PRKCA: variants seen among roughly 807,000 people sequenced by gnomAD.
PRKCA encodes the protein protein kinase C alpha.
PRKCA carries 27 observed loss-of-function variants against 87.0 expected under a neutral mutation model. The observed-to-expected ratio is 0.31, with a 90% CI of 0.23 to 0.43. The LOEUF is 0.43. Among genes scored for constraint, PRKCA ranks in the 20% least tolerant of loss-of-function variants. The pLI, the probability that PRKCA is intolerant of heterozygous loss-of-function variation, is 1.00. For synonymous variants in PRKCA, 329 were observed against 311.1 expected (o/e 1.06, Z -0.61); for missense variants, 518 against 852.3 (o/e 0.61, Z 4.88).
intron 2 of PRKCA, among the ~76,000 whole-genome samples, chr17:66,464,834 G>A (rs1915013305): frequency 6.6e-6 from 1 of 152,116 alleles, no homozygotes; most frequent in African/African-American, 2.4e-5. Flanking sequence ...TTTTGACAGT[G>A]TCTTTTGCAG....
intron 13 of PRKCA, among the ~76,000 whole-genome samples, chr17:66,754,845 G>A (rs1402643651): frequency 6.6e-6 from 1 of 152,028 alleles, no homozygotes; most frequent in African/African-American, 2.4e-5. Context: ...CAGGTCCTTG[G>A]GAAATGCTAA....
chr17:66,462,925 A>AACAC lies in PRKCA; in HGVS notation c.206-33238_206-33235dup, dbSNP rs58085398. The stretch of plus-strand genomic sequence containing the variant: ...ACACACATGCACGTGCACACATGCA[A>AACAC]ACACACACACACACACACACACACA... On this transcript the variant is annotated intron_variant, in intron 2 of 16. Transcript: ENST00000413366. Among the ~76,000 whole-genome samples the AACAC allele has an allele frequency of 7.1e-3, 1,044 of 147,644 alleles. 6 individuals carry two copies. Among genetic ancestry groups the AACAC allele is most frequent in the South Asian group, 0.036 (161 of 4,526 alleles).
chr17:66,449,825 GGAC>G (rs1401574725), intron 2 of PRKCA, among the ~76,000 whole-genome samples: 1 of 152,224 alleles, frequency 6.6e-6, no homozygotes, highest in East Asian at 1.9e-4. Flanking sequence ...GTTGGATGCT[GGAC>G]GAACGGCCTC....
At chr17:66,649,089 G>A (rs1598843951) in intron 5 of PRKCA, among the ~76,000 whole-genome samples, 1 of 144,992 alleles carries the variant, frequency 6.9e-6, no homozygotes, top group African/African-American at 2.6e-5. Flanking sequence ...CAGAGCGAGA[G>A]TCCATCTCAA....
At chr17:66,444,385 T>C (rs1045810919) in intron 2 of PRKCA, among the ~76,000 whole-genome samples, 2 of 152,208 alleles carry the variant, frequency 1.3e-5, no homozygotes, top group Admixed American at 6.5e-5. Flanking sequence ...TGATGGCCTG[T>C]CATAGTTTAA....
chr17:66,633,086 T>G (rs1971065176), intron 3 of PRKCA, among the ~76,000 whole-genome samples: 1 of 152,172 alleles, frequency 6.6e-6, no homozygotes. Context: ...ATCAGTATGG[T>G]CAGAGGCCAA....
intron 3 of PRKCA, among the ~76,000 whole-genome samples, chr17:66,564,201 C>A (rs1008414827): frequency 6.6e-6 from 1 of 152,036 alleles, no homozygotes; most frequent in African/African-American, 2.4e-5. Flanking sequence ...GCCTCAGCCT[C>A]CCGAGTAGCT....
chr17:66,423,569 G>A (rs986001637), intron 2 of PRKCA, among the ~76,000 whole-genome samples: 3 of 152,154 alleles, frequency 2.0e-5, no homozygotes, highest in African/African-American at 7.2e-5. Flanking sequence ...AGTCCCCTAG[G>A]GAAGTCATCT....
intron 3 of PRKCA, among the ~76,000 whole-genome samples, chr17:66,538,798 C>T (rs1967878392): frequency 6.6e-6 from 1 of 152,202 alleles, no homozygotes; most frequent in Admixed American, 6.5e-5. Context: ...AAACAGAATT[C>T]TGCTCTTAGC....
chr17:66,731,313 C>A (rs542951937), intron 8 of PRKCA, among the ~76,000 whole-genome samples: 3 of 147,034 alleles, frequency 2.0e-5, no homozygotes, highest in African/African-American at 5.1e-5. Context: ...CACTGCACTG[C>A]GCTTCAGCCT....
chr17:66,445,402 T>G (rs1934244374), intron 2 of PRKCA, among the ~76,000 whole-genome samples: 1 of 152,230 alleles, frequency 6.6e-6, no homozygotes, highest in Non-Finnish European at 1.5e-5. Flanking sequence ...GTCCAAGCAT[T>G]GGAGGCCAGA....
chr17:66,468,001 C>G (rs1224887550), intron 2 of PRKCA, among the ~76,000 whole-genome samples: 2 of 152,088 alleles, frequency 1.3e-5, no homozygotes, highest in Non-Finnish European at 2.9e-5. Context: ...ACAGAAATGA[C>G]TCTTAGTTTA....
chr17:66,801,107 C>T (rs750038759), intron 16 of PRKCA, among the ~76,000 whole-genome samples: 48 of 152,206 alleles, frequency 3.2e-4, no homozygotes, highest in Non-Finnish European at 4.3e-4. Flanking sequence ...TGACTTCTGC[C>T]GCTTCTCCAT....
At chr17:66,672,810 T>A (rs1196095218) in intron 5 of PRKCA, among the ~76,000 whole-genome samples, 1 of 152,048 alleles carries the variant, frequency 6.6e-6, no homozygotes, top group Non-Finnish European at 1.5e-5. Flanking sequence ...AAAGGCAGGT[T>A]CTAAAACTTT....
Position 66,803,615 on chromosome 17 carries a change from G to C in PRKCA, c.1855-258G>C, listed in dbSNP as rs976188083. Reference sequence around the variant, plus strand: ...AGGGGACAGGGGCTGTCCCCTTGTTGCTGCCTCATTGCCAGCCGTGCAATT... The same window carrying C: ...AGGGGACAGGGGCTGTCCCCTTGTTCCTGCCTCATTGCCAGCCGTGCAATT... On this transcript the variant is annotated intron_variant, in intron 16 of 16. Coordinates refer to ENST00000413366, the MANE Select transcript of PRKCA (RefSeq NM_002737.3). This position sits in a 1 kb window ranked among gnomAD's most constrained non-coding sequence, Gnocchi z 4.4. Among the ~76,000 whole-genome samples, 1 of 151,502 alleles carries C rather than the reference G, an allele frequency of 6.6e-6. No homozygotes were observed. Among genetic ancestry groups the C allele is most frequent in the Non-Finnish European group, 1.5e-5 (1 of 67,892 alleles).
intron 3 of PRKCA, among the ~76,000 whole-genome samples, chr17:66,564,556 G>A (rs879910996): frequency 4.6e-5 from 7 of 152,206 alleles, no homozygotes; most frequent in Non-Finnish European, 7.3e-5. Flanking sequence ...GCCAAGCACT[G>A]TTGAAGCACT....
chr17:66,698,449 T>A (rs1165782419), intron 8 of PRKCA, among the ~76,000 whole-genome samples: 1 of 152,078 alleles, frequency 6.6e-6, no homozygotes, highest in Non-Finnish European at 1.5e-5. Context: ...ATACAGTGAA[T>A]GAAATGGAAA....
At chr17:66,574,005 T>C (rs1481564549) in intron 3 of PRKCA, among the ~76,000 whole-genome samples, 1 of 152,156 alleles carries the variant, frequency 6.6e-6, no homozygotes, top group Non-Finnish European at 1.5e-5. Context: ...CCGAAGGGTA[T>C]TAAAGACAAC....
chr17:66,476,485 A>C (rs1385759370), intron 2 of PRKCA, among the ~76,000 whole-genome samples: 1 of 152,158 alleles, frequency 6.6e-6, no homozygotes, highest in Non-Finnish European at 1.5e-5. Flanking sequence ...TGTCTGGTCT[A>C]ATCCTGCCAG....
Sources: gnomAD v4.1 joint callset for allele counts (sites outside exome capture counted in the v4.1 genomes callset) on GRCh38, gnomAD v4.1.1 for gene constraint, Gnocchi (gnomAD v3.1) non-coding constraint, MANE v1.5 for transcripts, NCBI Gene and HGNC (gene_info 2026-07-23, HGNC 2026-07-21) for gene names.